Variants in RASGRP3 observed in about 807,000 individuals in gnomAD.
RASGRP3 encodes ras guanyl-releasing protein 3.
Under a neutral mutation model 82.7 loss-of-function variants are expected in RASGRP3, and 54 were observed. The ratio of observed to expected loss-of-function variants is 0.65; its 90% CI spans 0.52 to 0.82. The LOEUF is 0.82. Among genes scored for constraint, RASGRP3 ranks in the 40% least tolerant of loss-of-function variants. The pLI is 0.00. For missense variants in RASGRP3, 861 were observed against 828.9 expected (o/e 1.04, Z -0.48); for synonymous variants, 309 against 300.5 (o/e 1.03, Z -0.29).
intron 2 of RASGRP3, among the ~76,000 whole-genome samples, chr2:33,453,312 G>C (rs539186123): frequency 6.6e-6 from 1 of 152,160 alleles, no homozygotes; most frequent in Non-Finnish European, 1.5e-5. Flanking sequence ...AAGGGTTTTT[G>C]ATCTCAACTG....
chr2:33,551,113 G>C (rs1394921471), intron 14 of RASGRP3, among the ~76,000 whole-genome samples: 1 of 152,124 alleles, frequency 6.6e-6, no homozygotes, highest in Non-Finnish European at 1.5e-5. Flanking sequence ...AGAAGTTTGA[G>C]ACCAACCTGG....
At chr2:33,553,799 C>T (rs879420933) in intron 14 of RASGRP3, among the ~76,000 whole-genome samples, 6 of 152,038 alleles carry the variant, frequency 3.9e-5, no homozygotes, top group East Asian at 1.9e-4. Context: ...CCTGCAGTGG[C>T]GCGATCTTGG....
chr2:33,519,970 A>G lies in RASGRP3; in HGVS notation c.192A>G (p.Gly64=). 2 of 1,610,468 alleles carry G rather than the reference A, an allele frequency of 1.2e-6. No homozygotes were observed. The highest frequency in any genetic ancestry group is 1.7e-6 in the Non-Finnish European group (2 of 1,178,312). ...KLLCMYRNAT[G]ESCNEFRLKI... is the part of the protein sequence containing the mutation. The stretch of plus-strand genomic sequence containing the variant: ...GGTTTACGTATCGAAATGCCACTGG[A>G]GAAAGCTGCAATGAATTTCGATTAA... The change falls in exon 5 of 18, where the codon GGA becomes GGG. Residue 64 remains glycine, a synonymous_variant. Transcript: ENST00000403687.
rs568394022 is a variant in RASGRP3, at chr2:33,553,516, T to C, written c.1543-2015T>C. Among the ~76,000 whole-genome samples the C allele has an allele frequency of 1.1e-4, 16 of 152,220 alleles. No individual in the cohort carries two copies. The East Asian group carries it at 1.2e-3, about 11-fold the overall frequency. On this transcript the variant is annotated intron_variant, in intron 14 of 17. Transcript: ENST00000403687. ...GAAAGAATTTCCAGGTTGTGGGAGA[T>C]TGCAAATTATCTAACTTCCTGGATC...
intron 4 of RASGRP3, 121 bp downstream of exon 4, chr2:33,516,765 T>C (rs1671507105): frequency 5.9e-6 from 4 of 682,058 alleles, no homozygotes; most frequent in Non-Finnish European, 9.9e-6. Context: ...TCCAGCTGTT[T>C]TGTGAATATA....
At chr2:33,536,301 CA>C (rs1392101685) in intron 11 of RASGRP3, among the ~76,000 whole-genome samples, 59 of 59,750 alleles carry the variant, frequency 9.9e-4, no homozygotes, top group African/African-American at 3.3e-3. Flanking sequence ...GACTCCATCT[CA>C]AAAAAAAAAA....
chr2:33,458,888 G>T (rs1378952759), intron 2 of RASGRP3, among the ~76,000 whole-genome samples: 1 of 152,072 alleles, frequency 6.6e-6, no homozygotes, highest in Admixed American at 6.5e-5. Context: ...AGAGTTGATC[G>T]AAATTGTGGT....
intron 1 of RASGRP3, among the ~76,000 whole-genome samples, chr2:33,486,355 A>T (rs148255713): frequency 3.2e-4 from 49 of 151,970 alleles, no homozygotes; most frequent in Middle Eastern, 3.4e-3. Context: ...TTTAGTAGAG[A>T]TGGGGTTTTG....
chr2:33,512,323 G>T (rs1417595989), intron 2 of RASGRP3, among the ~76,000 whole-genome samples: 2 of 152,142 alleles, frequency 1.3e-5, no homozygotes, highest in South Asian at 2.1e-4. Flanking sequence ...AGTAATTTTG[G>T]TTTTGAATTG....
chr2:33,523,526 A>C (rs1672233553), intron 7 of RASGRP3, among the ~76,000 whole-genome samples: 1 of 151,954 alleles, frequency 6.6e-6, no homozygotes, highest in African/African-American at 2.4e-5. Flanking sequence ...TTACACCTAG[A>C]GTGTTCCCAG....
In RASGRP3 at chr2:33,521,635, C is replaced by A. The variant is rs554933382; in HGVS notation, c.369-320C>A. Among the ~76,000 whole-genome samples, 248 of 152,332 alleles carry A rather than the reference C, an allele frequency of 1.6e-3. 2 individuals carry two copies. The highest frequency in any genetic ancestry group is 5.8e-3 in the African/African-American group (242 of 41,584). ...GGTTTCCATGTGTCTTAAATCACCA[C>A]CTATATCCTGATAAACTCCCAAATT... is the stretch of plus-strand genomic sequence containing the variant. On this transcript the variant is annotated intron_variant, in intron 6 of 17. Coordinates refer to ENST00000403687, the MANE Select transcript of RASGRP3 (RefSeq NM_001139488.2).
intron 1 of RASGRP3, among the ~76,000 whole-genome samples, chr2:33,438,516 C>T (rs193004727): frequency 1.3e-5 from 2 of 149,888 alleles, no homozygotes; most frequent in South Asian, 2.1e-4. Flanking sequence ...GAGCCGGGAT[C>T]GCGCCACTGC....
At chr2:33,463,202 G>A (rs963562195) in intron 2 of RASGRP3, among the ~76,000 whole-genome samples, 7 of 152,282 alleles carry the variant, frequency 4.6e-5, no homozygotes, top group South Asian at 2.1e-4. Flanking sequence ...TGGCATGAAC[G>A]CTAAATTTTC....
intron 2 of RASGRP3, among the ~76,000 whole-genome samples, chr2:33,463,984 A>C (rs1666528509): frequency 1.3e-5 from 2 of 151,630 alleles, no homozygotes; most frequent in South Asian, 4.2e-4. Context: ...ATGTTTTTTT[A>C]CAAATTGAAA....
At chr2:33,555,204 G>C in intron 14 of RASGRP3, 1 of 204,398 alleles carries the variant, frequency 4.9e-6, no homozygotes. Flanking sequence ...AGAGCCAGGG[G>C]CTCCCAAAGA....
chr2:33,451,703 T>C (rs1425056517), intron 2 of RASGRP3, among the ~76,000 whole-genome samples: 1 of 152,156 alleles, frequency 6.6e-6, no homozygotes, highest in Non-Finnish European at 1.5e-5. Context: ...GGTGAAGATC[T>C]CTGTATTTAA....
intron 1 of RASGRP3, among the ~76,000 whole-genome samples, chr2:33,496,285 T>C (rs1669304471): frequency 6.6e-6 from 1 of 152,218 alleles, no homozygotes; most frequent in Non-Finnish European, 1.5e-5. Flanking sequence ...AGATTTATAG[T>C]GTGTGGACAG....
intron 1 of RASGRP3, among the ~76,000 whole-genome samples, chr2:33,445,788 C>G (rs1206642620): frequency 1.3e-5 from 2 of 151,840 alleles, no homozygotes; most frequent in African/African-American, 2.4e-5. Flanking sequence ...AAAGTATATA[C>G]TGGATCAACA....
chr2:33,473,364 C>T (rs1217934314), upstream of RASGRP3, among the ~76,000 whole-genome samples: 1 of 150,864 alleles, frequency 6.6e-6, no homozygotes, highest in African/African-American at 2.5e-5. Flanking sequence ...GCCTGGGCAA[C>T]ACAGTGAGAC....
Sources: allele counts gnomAD v4.1 joint callset (sites outside exome capture counted in the v4.1 genomes callset), GRCh38; gene constraint gnomAD v4.1.1; transcripts MANE v1.5; gene names NCBI Gene and HGNC (gene_info 2026-07-23, HGNC 2026-07-21).